The following CNGA2 variants were observed in gnomAD, a reference collection of about 807,000 sequenced individuals.
CNGA2 encodes the protein cyclic nucleotide gated channel subunit alpha 2.
Under a neutral mutation model 35.9 loss-of-function variants are expected in CNGA2, and 22 were observed. That is an observed-to-expected ratio of 0.61 (90% CI 0.44 to 0.88). The LOEUF (loss-of-function observed/expected upper bound fraction) is 0.88. CNGA2 is among the 40% of genes least tolerant of loss of function. The pLI is 0.00. For missense variants in CNGA2, 555 were observed against 530.8 expected, an observed-to-expected ratio of 1.05 and a Z score of -0.45; for synonymous variants, 217 against 209.2, an observed-to-expected ratio of 1.04 and a Z score of -0.32.
intron 6 of CNGA2, among the ~76,000 whole-genome samples, 159 bp downstream of exon 6, chrX:151,742,801 G>C (rs2015319252): frequency 9.8e-6 from 1 of 101,680 alleles, no homozygotes; most frequent in African/African-American, 3.7e-5. Flanking sequence ...GAGAGGTTTT[G>C]ATCTCGGGGT....
At chrX:151,737,508 T>A (rs1022602147) in intron 1 of CNGA2, among the ~76,000 whole-genome samples, 1 of 111,232 alleles carries the variant, frequency 9.0e-6, no homozygotes, top group Non-Finnish European at 1.9e-5. Context: ...CTCCTCTGAG[T>A]CCCATTCAAT....
Position 151,743,604 on chromosome X carries a change from C to T in CNGA2, c.1101C>T (p.Ile367=), listed in dbSNP as rs141471697. The change falls in exon 7 of 7, where the codon ATC becomes ATT. Residue 367 remains isoleucine (I), a synonymous_variant. Coordinates refer to ENST00000329903, the MANE Select transcript of CNGA2 (RefSeq NM_005140.3). The part of the protein sequence containing the change: ...FLIGVLIFAT[I]VGNVGSMISN... ...TTGGCGTCCTCATCTTTGCCACCATCGTGGGAAATGTGGGCTCCATGATCT... is the reference window on the plus strand; with the variant it reads ...TTGGCGTCCTCATCTTTGCCACCATTGTGGGAAATGTGGGCTCCATGATCT... 7.4e-6 allele frequency: 9 copies of T among 1,209,381 alleles called. No homozygotes were observed. Among genetic ancestry groups the T allele is most frequent in the Middle Eastern group, 2.3e-4 (1 of 4,374 alleles).
Position 151,738,828 on chromosome X carries a change from A to T in CNGA2, c.152A>T (p.Gln51Leu). The T allele has an allele frequency of 8.5e-7, 1 of 1,177,888 alleles. No homozygotes were observed. Among genetic ancestry groups the T allele is most frequent in the Admixed American group, 2.5e-5 (1 of 39,874 alleles). Residue 51 changes from glutamine (Q) to leucine (L), a missense_variant, in exon 3 of 7, where the codon CAG (glutamine) becomes CTG (leucine). Gln to Leu is a moderately radical substitution (Grantham distance 113, BLOSUM62 -2). Transcript: ENST00000329903. Reference sequence around the variant, plus strand: ...GACGATGACACCTCCTCAGAACTGCAGAGGCTGGCAGACGTGGATGCCCCA... The same window carrying T: ...GACGATGACACCTCCTCAGAACTGCTGAGGCTGGCAGACGTGGATGCCCCA... ...AADDDTSSEL[Q>L]RLADVDAPQQ... is the part of the protein sequence containing the mutation.
chrX:151,742,034 A>G (rs1356166149), intron 5 of CNGA2, among the ~76,000 whole-genome samples: 1 of 112,365 alleles, frequency 8.9e-6, no homozygotes, highest in Admixed American at 9.3e-5. Context: ...AAGTTCTGCA[A>G]CCTCCAAACT....
rs370169251 is a variant in CNGA2 at position 151,740,902 on chromosome X, G to A, written c.482+1G>A. 1.7e-6 allele frequency: 2 copies of A among 1,202,437 alleles called. No individual in the cohort carries two copies. The highest frequency in any genetic ancestry group is 2.2e-5 in the Admixed American group (1 of 46,033). ...ACAACTGGTGCCTGCTGGTGGCCAG[G>A]TGAGCAGGGTGGGGCCCAGGAGGGG... On this transcript the variant is annotated splice_donor_variant, in intron 5 of 6. Coordinates refer to ENST00000329903, the MANE Select transcript of CNGA2 (RefSeq NM_005140.3). LOFTEE classifies it high-confidence loss of function.
At chrX:151,738,921 TG>T in intron 3 of CNGA2, 42 bp downstream of exon 3, 1 of 1,068,036 alleles carries the variant, frequency 9.4e-7, no homozygotes, top group East Asian at 3.3e-5. Context: ...TTCCTGTGCA[TG>T]GAGCCTGTCA....
chrX:151,735,984 G>A (rs963184793), intron 1 of CNGA2, among the ~76,000 whole-genome samples: 1 of 111,403 alleles, frequency 9.0e-6, no homozygotes, highest in Non-Finnish European at 1.9e-5. Flanking sequence ...ATCTCAGGGG[G>A]AAGAAGTACC....
chrX:151,743,676 C>T lies in CNGA2; in HGVS notation c.1173C>T (p.Ala391=), dbSNP rs1453633113. Reference sequence around the variant, plus strand: ...CAGAGTTCCAGGCTAAGATCGATGCCGTGAAACACTACATGCAGTTCCGAA... The same window carrying T: ...CAGAGTTCCAGGCTAAGATCGATGCTGTGAAACACTACATGCAGTTCCGAA... ...TRAEFQAKID[A]VKHYMQFRKV... is the part of the protein sequence containing the mutation. Residue 391 remains alanine (A), a synonymous_variant, in exon 7 of 7, where the codon GCC becomes GCT. Transcript: ENST00000329903. 60 of 1,209,607 alleles carry T rather than the reference C, an allele frequency of 5.0e-5. No homozygotes were observed. Among genetic ancestry groups the T allele is most frequent in the Non-Finnish European group, 6.0e-5 (54 of 895,226 alleles).
In CNGA2 at chrX:151,743,832, T is replaced by C. The variant is rs375775509; in HGVS notation, c.1329T>C (p.Asn443=). 6.6e-6 allele frequency: 8 copies of C among 1,209,850 alleles called. No individual in the cohort carries two copies. The African/African-American group carries it at 1.1e-4, about 16-fold the overall frequency. ...PAKLRAEIAI[N]VHLSTLKKVR... ...AGCTCAGGGCTGAGATAGCCATCAA[T>C]GTCCACTTGTCCACACTCAAGAAAG... Residue 443 remains asparagine (N), a synonymous_variant, in exon 7 of 7, where the codon AAT becomes AAC. Transcript: ENST00000329903.
At chrX:151,738,169 A>G (rs954128698) in intron 1 of CNGA2, among the ~76,000 whole-genome samples, 8 of 111,563 alleles carry the variant, frequency 7.2e-5, no homozygotes, top group Non-Finnish European at 1.5e-4. Context: ...TTGTATGTAA[A>G]AAAATACTGG....
At chrX:151,743,009 C>CATATATATACAT (rs1372139594) in intron 6 of CNGA2, 84 bp from the exon 7 acceptor site, 1 of 5,027 alleles carries the variant, frequency 2.0e-4, no homozygotes, top group African/African-American at 6.7e-4. Context: ...TATATATACA[C>CATATATATACAT]ATATATATGT....
chrX:151,743,104 C>A lies in CNGA2; in HGVS notation c.601C>A (p.Gln201Lys). 8.7e-7 allele frequency: 1 copy of A among 1,150,818 alleles called. No individual in the cohort carries two copies. Among genetic ancestry groups the A allele is most frequent in the Non-Finnish European group, 1.2e-6 (1 of 861,611 alleles). The allele number at this position is 1,150,818 out of a possible 1,213,427, so 94.8% of individuals were successfully genotyped here. Residue 201 changes from glutamine (Q) to lysine (K), a missense_variant, in exon 7 of 7, where the codon CAG (glutamine) becomes AAG (lysine). Gln to Lys is a moderately conservative substitution (Grantham distance 53, BLOSUM62 1). Coordinates refer to ENST00000329903, the MANE Select transcript of CNGA2 (RefSeq NM_005140.3). ...TTCATCTCTACTAGGTTTCCTGGAGCAGGGGCTGCTGGTCAAAGATACCAA... is the reference window on the plus strand; with the variant it reads ...TTCATCTCTACTAGGTTTCCTGGAGAAGGGGCTGCTGGTCAAAGATACCAA... ...FIRLRTGFLE[Q>K]GLLVKDTKKL...
chrX:151,742,616 C>A lies in CNGA2; in HGVS notation c.563C>A (p.Ala188Glu), dbSNP rs773467562. 8.3e-7 allele frequency: 1 copy of A among 1,206,643 alleles called. No individual in the cohort carries two copies. The highest frequency in any genetic ancestry group is 1.1e-6 in the Non-Finnish European group (1 of 892,550). Residue 188 changes from alanine to glutamate, a missense_variant, in exon 6 of 7, where the codon GCG (alanine) becomes GAG (glutamate). Ala to Glu is a moderately radical substitution (Grantham distance 107, BLOSUM62 -1). Transcript: ENST00000329903. ...LDYVSDVVYI[A>E]DLFIRLRTGF... ...TATGTCTCAGATGTGGTCTACATTG[C>A]GGACCTCTTCATCCGATTGCGCACA... is the stretch of plus-strand genomic sequence containing the variant.
chrX:151,736,744 G>T (rs1025633778), intron 1 of CNGA2, among the ~76,000 whole-genome samples: 4 of 110,796 alleles, frequency 3.6e-5, no homozygotes, highest in Non-Finnish European at 1.9e-5. Context: ...CAGGGGTCAT[G>T]GGGTGGGGGA....
In CNGA2 at chrX:151,744,220, A is replaced by T; in HGVS notation, c.1717A>T (p.Arg573Trp). The T allele has an allele frequency of 8.3e-7, 1 of 1,210,316 alleles. No homozygotes were observed. The highest frequency in any genetic ancestry group is 1.1e-6 in the Non-Finnish European group (1 of 895,247). ...TGATGCCAAGAAAGTCCTAGAAGAG[A>T]GGGGTCGGGAGATCCTCATGAAGGA... The part of the protein sequence containing the change: ...YPDAKKVLEE[R>W]GREILMKEGL... The change falls in exon 7 of 7, where the codon AGG (arginine) becomes TGG (tryptophan). Residue 573 changes from arginine to tryptophan, a missense_variant. By Grantham distance (101) the Arg-to-Trp change is moderately radical. Transcript: ENST00000329903.
At chrX:151,738,750 T>C (rs1295728925) in intron 2 of CNGA2, 37 bp from the exon 3 acceptor site, 1 of 1,138,333 alleles carries the variant, frequency 8.8e-7, no homozygotes, top group Non-Finnish European at 1.2e-6. Context: ...AGTCATGCCC[T>C]GAGAACCCTG....
In CNGA2 at chrX:151,743,147, A is replaced by G. The variant is rs2015333858; in HGVS notation, c.644A>G (p.Tyr215Cys). 8.3e-7 allele frequency: 1 copy of G among 1,198,654 alleles called. No homozygotes were observed. The highest frequency in any genetic ancestry group is 1.8e-5 in the African/African-American group (1 of 54,978). ...VKDTKKLRDN[Y>C]IHTLQFKLDV... Reference sequence around the variant, plus strand: ...GATACCAAGAAACTGCGAGACAACTACATCCACACCCTGCAGTTCAAGCTG... The same window carrying G: ...GATACCAAGAAACTGCGAGACAACTGCATCCACACCCTGCAGTTCAAGCTG... Residue 215 changes from tyrosine (Y) to cysteine (C), a missense_variant, in exon 7 of 7, where the codon TAC becomes TGC. By Grantham distance (194) the Tyr-to-Cys change is radical. Coordinates refer to ENST00000329903, the MANE Select transcript of CNGA2 (RefSeq NM_005140.3).
chrX:151,738,246 G>A (rs2015267543), intron 1 of CNGA2, among the ~76,000 whole-genome samples: 1 of 111,688 alleles, frequency 9.0e-6, no homozygotes, highest in Admixed American at 9.5e-5. Flanking sequence ...ACATATTAGG[G>A]TTGGGGGAGT....
Position 151,743,847 on chromosome X carries a change from A to G in CNGA2, c.1344A>G (p.Thr448=). ...AEIAINVHLS[T]LKKVRIFHDC... is the part of the protein sequence containing the mutation. ...TAGCCATCAATGTCCACTTGTCCACACTCAAGAAAGTGCGCATCTTCCATG... is the reference window on the plus strand; with the variant it reads ...TAGCCATCAATGTCCACTTGTCCACGCTCAAGAAAGTGCGCATCTTCCATG... The change falls in exon 7 of 7, where the codon ACA becomes ACG. Residue 448 remains threonine (T), a synonymous_variant. Coordinates refer to ENST00000329903, the MANE Select transcript of CNGA2 (RefSeq NM_005140.3). 8.3e-7 allele frequency: 1 copy of G among 1,211,546 alleles called. No individual in the cohort carries two copies. Among genetic ancestry groups the G allele is most frequent in the Non-Finnish European group, 1.1e-6 (1 of 895,540 alleles).
Sources: allele counts gnomAD v4.1 joint callset (sites outside exome capture counted in the v4.1 genomes callset), GRCh38; gene constraint gnomAD v4.1.1; transcripts MANE v1.5; gene names NCBI Gene and HGNC (gene_info 2026-07-23, HGNC 2026-07-21).